PTPN14: variants seen among roughly 807,000 people sequenced by gnomAD.
The protein encoded by PTPN14 is tyrosine-protein phosphatase non-receptor type 14.
In PTPN14, 53 loss-of-function variants were observed where a neutral mutation model predicts 126.8. That is an observed-to-expected ratio of 0.42 (90% CI 0.34 to 0.53). The LOEUF is 0.53. Among genes scored for constraint, PTPN14 ranks in the 20% least tolerant of loss-of-function variants. The pLI, the probability that PTPN14 is intolerant of heterozygous loss-of-function variation, is 0.08. For synonymous variants in PTPN14, 630 were observed against 599.3 expected (o/e 1.05, Z -0.75); for missense variants, 1,257 against 1,552.9 (o/e 0.81, Z 3.20).
At chr1:214,386,797 T>C in intron 12 of PTPN14, 47 bp downstream of exon 12, 1 of 1,479,770 alleles carries the variant, frequency 6.8e-7, no homozygotes, top group African/African-American at 1.4e-5. Flanking sequence ...TGCTTACTGG[T>C]ATTCAACTTT....
At chr1:214,528,619 C>A (rs1173585774) in intron 1 of PTPN14, 1 of 152,056 alleles carries the variant, frequency 6.6e-6, no homozygotes, top group East Asian at 1.9e-4. Context: ...TTTTAATATT[C>A]TTGAGATACT....
At position 214,443,314 on chromosome 1, in the gene PTPN14, C is replaced by G. The variant is rs147797672; in HGVS notation, c.344+8491G>C. 4.1e-3 allele frequency among the ~76,000 whole-genome samples: 628 copies of G among 152,154 alleles called. 1 individual carries two copies. Among genetic ancestry groups the G allele is most frequent in the African/African-American group, 0.015 (613 of 41,510 alleles). On this transcript the variant is annotated intron_variant, in intron 3 of 18. Coordinates refer to ENST00000366956, the MANE Select transcript of PTPN14 (RefSeq NM_005401.5). ...AAGACAAGCTAATCCAATCAGCTTT[C>G]CTAAAAGAAATCAAATTGACTTTAC... is the stretch of plus-strand genomic sequence containing the variant.
chr1:214,448,754 A>AC (rs1660205581), intron 3 of PTPN14, among the ~76,000 whole-genome samples: 3 of 152,158 alleles, frequency 2.0e-5, no homozygotes, highest in Non-Finnish European at 2.9e-5. Context: ...CACATGGGCT[A>AC]CCTGGTCCAC....
chr1:214,443,690 T>C (rs560994604), intron 3 of PTPN14, among the ~76,000 whole-genome samples: 3 of 152,184 alleles, frequency 2.0e-5, no homozygotes, highest in East Asian at 3.9e-4. Flanking sequence ...GAATCCACTG[T>C]TGAAAAACCA....
chr1:214,435,289 G>T (rs1262664844), intron 3 of PTPN14, among the ~76,000 whole-genome samples: 1 of 151,772 alleles, frequency 6.6e-6, no homozygotes, highest in Admixed American at 6.6e-5. Flanking sequence ...TAAAATGCAA[G>T]TATCACAGAG....
Position 214,464,884 on chromosome 1 carries a change from A to T in PTPN14, c.-81T>A. ...GGCCTTAGCAGTTTCGTGACTGGAA[A>T]ATTACACTATCACCTGTGCTCCTCC... On this transcript the variant is annotated 5_prime_UTR_variant, in exon 2 of 19. Coordinates refer to ENST00000366956, the MANE Select transcript of PTPN14 (RefSeq NM_005401.5). 1 of 1,533,854 alleles carries T rather than the reference A, an allele frequency of 6.5e-7. No homozygotes were observed. Among genetic ancestry groups the T allele is most frequent in the Non-Finnish European group, 8.9e-7 (1 of 1,125,102 alleles).
intron 17 of PTPN14, among the ~76,000 whole-genome samples, chr1:214,366,946 T>C (rs1658095753): frequency 6.7e-6 from 1 of 149,014 alleles, no homozygotes; most frequent in African/African-American, 2.5e-5. Flanking sequence ...ATCTTGCCAC[T>C]GTACTCCAGC....
intron 8 of PTPN14, among the ~76,000 whole-genome samples, chr1:214,397,626 A>G (rs539612663): frequency 6.6e-6 from 1 of 152,360 alleles, no homozygotes; most frequent in African/African-American, 2.4e-5. Flanking sequence ...AGAGTTAATG[A>G]CTGACTGGAG....
At chr1:214,425,016 C>T (rs1382461111) in intron 3 of PTPN14, among the ~76,000 whole-genome samples, 5 of 151,894 alleles carry the variant, frequency 3.3e-5, no homozygotes, top group East Asian at 1.9e-4. Flanking sequence ...AGGCTGGTCT[C>T]GAATTCCTGG....
chr1:214,464,072 G>A (rs1660570526), intron 2 of PTPN14, among the ~76,000 whole-genome samples: 1 of 152,096 alleles, frequency 6.6e-6, no homozygotes, highest in Non-Finnish European at 1.5e-5. Context: ...TGAAGGCAAC[G>A]AGGGCTGTGA....
chr1:214,536,191 TGG>T (rs1655700306), intron 1 of PTPN14, among the ~76,000 whole-genome samples: 1 of 151,704 alleles, frequency 6.6e-6, no homozygotes, highest in African/African-American at 2.4e-5. Context: ...GGAGATAACT[TGG>T]GGCCAGGAGT....
chr1:214,525,519 C>G (rs563889389), intron 1 of PTPN14, among the ~76,000 whole-genome samples: 212 of 152,276 alleles, frequency 1.4e-3, no homozygotes, highest in African/African-American at 5.0e-3. Flanking sequence ...CTACTTGAAT[C>G]TTTCCTGGAC....
At chr1:214,529,266 G>A (rs1400833416) in intron 1 of PTPN14, 1 of 152,208 alleles carries the variant, frequency 6.6e-6, no homozygotes, top group Non-Finnish European at 1.5e-5. Context: ...GCAGTGAACT[G>A]TGATCACACC....
intron 11 of PTPN14, 151 bp downstream of exon 11, chr1:214,390,837 G>A: frequency 1.8e-6 from 1 of 541,284 alleles, no homozygotes; most frequent in Non-Finnish European, 3.0e-6. Flanking sequence ...GACAAAACGG[G>A]TGTCCATCGC....
intron 1 of PTPN14, chr1:214,531,278 C>T (rs1274120908): frequency 6.6e-6 from 1 of 152,182 alleles, no homozygotes. Flanking sequence ...GTCTGCTTCA[C>T]ACATCAACTT....
intron 1 of PTPN14, among the ~76,000 whole-genome samples, chr1:214,479,977 A>T (rs1660950609): frequency 6.6e-6 from 1 of 152,156 alleles, no homozygotes; most frequent in Non-Finnish European, 1.5e-5. Flanking sequence ...TATGATTACT[A>T]TGTATTATTT....
intron 3 of PTPN14, among the ~76,000 whole-genome samples, chr1:214,419,017 G>A (rs1659484867): frequency 6.6e-6 from 1 of 152,154 alleles, no homozygotes; most frequent in South Asian, 2.1e-4. Context: ...ATTTCTAAAT[G>A]CAGATTTTTA....
At chr1:214,447,793 C>T (rs931409976) in intron 3 of PTPN14, among the ~76,000 whole-genome samples, 3 of 152,222 alleles carry the variant, frequency 2.0e-5, no homozygotes, top group Non-Finnish European at 4.4e-5. Flanking sequence ...GACCTGAAAT[C>T]TACATAATTT....
rs772738689 is a variant in PTPN14 at position 214,464,931 on chromosome 1, T to C, written c.-128A>G. 5.7e-5 allele frequency: 66 copies of C among 1,166,608 alleles called. 2 individuals are homozygous for C. In the South Asian group the frequency reaches 9.0e-4, roughly 16 times the overall value. The allele number at this position is 1,166,608 out of a possible 1,614,324, so 72.3% of individuals were successfully genotyped here. On this transcript the variant is annotated 5_prime_UTR_variant, in exon 2 of 19. An upstream start codon of the reference 5' UTR is lost. Coordinates refer to ENST00000366956, the MANE Select transcript of PTPN14 (RefSeq NM_005401.5). ...CTCCAGGCAGGGAAAAGGGTGTCCA[T>C]GCCCAGTGTGGCCCTCTGGAAGATA... is the stretch of plus-strand genomic sequence containing the variant.
Sources: gnomAD v4.1 joint callset for allele counts (sites outside exome capture counted in the v4.1 genomes callset) on GRCh38, gnomAD v4.1.1 for gene constraint, MANE v1.5 for transcripts, NCBI Gene and HGNC (gene_info 2026-07-23, HGNC 2026-07-21) for gene names.